NOL10: variants seen among roughly 807,000 people sequenced by gnomAD.
The protein encoded by NOL10 is nucleolar protein 10.
NOL10 carries 58 observed loss-of-function variants against 103.5 expected under a neutral mutation model. The ratio of observed to expected loss-of-function variants is 0.56; its 90% CI spans 0.45 to 0.70. NOL10 has a LOEUF of 0.70. Among genes scored for constraint, NOL10 ranks in the 30% least tolerant of loss-of-function variants. The pLI, the probability that NOL10 is intolerant of heterozygous loss-of-function variation, is 0.00. For synonymous variants in NOL10, 287 were observed against 282.5 expected (o/e 1.02, Z -0.16); for missense variants, 763 against 807.3 (o/e 0.95, Z 0.67).
intron 9 of NOL10, among the ~76,000 whole-genome samples, chr2:10,662,084 G>C (rs1490878719): frequency 6.6e-6 from 1 of 152,054 alleles, no homozygotes; most frequent in Non-Finnish European, 1.5e-5. Flanking sequence ...TAATAAATAT[G>C]CTTCTGCAAC....
chr2:10,682,518 G>GC (rs1243818584), intron 2 of NOL10, among the ~76,000 whole-genome samples: 3 of 149,984 alleles, frequency 2.0e-5, no homozygotes, highest in Non-Finnish European at 3.0e-5. Context: ...TCACACCTCA[G>GC]CCCCCCCAAA....
intron 13 of NOL10, among the ~76,000 whole-genome samples, chr2:10,608,544 G>A (rs1451104532): frequency 6.6e-6 from 1 of 152,068 alleles, no homozygotes; most frequent in Non-Finnish European, 1.5e-5. Flanking sequence ...CTGGACTCGG[G>A]CAAAATGGAA....
chr2:10,622,144 T>C (rs1196401277), intron 13 of NOL10: 1 of 461,292 alleles, frequency 2.2e-6, no homozygotes, highest in African/African-American at 2.2e-5. Context: ...AGCACTGGTT[T>C]AGAGAACTGG....
At chr2:10,612,389 T>C (rs1158859527) in intron 13 of NOL10, among the ~76,000 whole-genome samples, 1 of 152,238 alleles carries the variant, frequency 6.6e-6, no homozygotes, top group Non-Finnish European at 1.5e-5. Flanking sequence ...TTATTTATAA[T>C]GCTACTGAGT....
chr2:10,679,873 A>G (rs561432688), intron 3 of NOL10, among the ~76,000 whole-genome samples: 51 of 152,238 alleles, frequency 3.4e-4, no homozygotes, highest in Non-Finnish European at 6.2e-4. Flanking sequence ...TGACTGCCTC[A>G]GCCTCCCAAA....
chr2:10,658,594 A>G (rs995755925), intron 10 of NOL10, among the ~76,000 whole-genome samples: 6 of 152,186 alleles, frequency 3.9e-5, no homozygotes, highest in Non-Finnish European at 7.3e-5. Flanking sequence ...AGTTCCTTGA[A>G]CACACAAATT....
chr2:10,587,216 TACA>T (rs1675135870), intron 19 of NOL10, among the ~76,000 whole-genome samples: 2 of 33,272 alleles, frequency 6.0e-5, no homozygotes, highest in African/African-American at 2.4e-4. Context: ...CATATATATA[TACA>T]TATATATACA....
chr2:10,588,954 C>T (rs1675256251), intron 19 of NOL10, 89 bp downstream of exon 19: 2 of 1,539,978 alleles, frequency 1.3e-6, no homozygotes, highest in East Asian at 4.5e-5. Flanking sequence ...CATCCAAAGA[C>T]AGAAATGTCA....
At chr2:10,605,748 G>A (rs1157581675) in intron 14 of NOL10, among the ~76,000 whole-genome samples, 9 of 152,106 alleles carry the variant, frequency 5.9e-5, no homozygotes, top group East Asian at 1.9e-4. Flanking sequence ...TGAAAATTAC[G>A]TTGGAGACAC....
At chr2:10,644,782 GA>G (rs1678939337) in intron 12 of NOL10, among the ~76,000 whole-genome samples, 1 of 152,152 alleles carries the variant, frequency 6.6e-6, no homozygotes, top group Non-Finnish European at 1.5e-5. Flanking sequence ...CAAAACTGAA[GA>G]AAGAGATAAC....
intron 17 of NOL10, among the ~76,000 whole-genome samples, chr2:10,595,144 C>CAGAGAGAGAGAGAG (rs77723934): frequency 1.2e-3 from 148 of 124,234 alleles, no homozygotes; most frequent in Middle Eastern, 4.7e-3. Flanking sequence ...GGGGAGGGGG[C>CAGAGAGAGAGAGAG]AGAGAGAGAG....
At chr2:10,647,693 C>A (rs1274184997) in intron 12 of NOL10, among the ~76,000 whole-genome samples, 3 of 152,212 alleles carry the variant, frequency 2.0e-5, no homozygotes, top group Admixed American at 6.5e-5. Context: ...CTATTTAGAA[C>A]CTCAGATGAA....
intron 17 of NOL10, 102 bp from the exon 18 acceptor site, chr2:10,589,853 C>T (rs529390931): frequency 6.6e-4 from 447 of 680,040 alleles, no homozygotes; most frequent in Non-Finnish European, 8.9e-4. Context: ...AGTTAATAAG[C>T]GGCATGAGGC....
intron 3 of NOL10, among the ~76,000 whole-genome samples, chr2:10,679,296 T>C (rs1189615209): frequency 6.6e-6 from 1 of 151,030 alleles, no homozygotes; most frequent in African/African-American, 2.4e-5. Flanking sequence ...GAGGCAGAGG[T>C]TGCGGTAAGC....
intron 19 of NOL10, among the ~76,000 whole-genome samples, chr2:10,581,974 G>A (rs2148148181): frequency 6.6e-6 from 1 of 152,286 alleles, no homozygotes; most frequent in Non-Finnish European, 1.5e-5. Flanking sequence ...GGAGGTGGGG[G>A]ACAGGAGAGG....
At chr2:10,607,370 A>C in intron 13 of NOL10, 59 bp from the exon 14 acceptor site, 2 of 1,506,860 alleles carry the variant, frequency 1.3e-6, no homozygotes, top group Non-Finnish European at 1.8e-6. Context: ...TCCAAGTCTC[A>C]GTTATTTATA....
At chr2:10,625,953 C>T (rs1367649069) in intron 13 of NOL10, among the ~76,000 whole-genome samples, 1 of 152,108 alleles carries the variant, frequency 6.6e-6, no homozygotes, top group East Asian at 1.9e-4. Flanking sequence ...ATGGGAGGAT[C>T]CCTTTAGCTC....
chr2:10,624,928 T>TTTC (rs1230752406), intron 13 of NOL10, among the ~76,000 whole-genome samples: 3 of 152,114 alleles, frequency 2.0e-5, no homozygotes, highest in Admixed American at 6.5e-5. Flanking sequence ...GACAAGAGAA[T>TTTC]GTTATTCAGC....
intron 13 of NOL10, among the ~76,000 whole-genome samples, chr2:10,612,690 G>A (rs988094804): frequency 2.6e-5 from 4 of 151,930 alleles, no homozygotes; most frequent in Non-Finnish European, 4.4e-5. Flanking sequence ...TTTTAGTAGA[G>A]ACGGGGTTTC....
Sources: gnomAD v4.1 joint callset for allele counts (sites outside exome capture counted in the v4.1 genomes callset) on GRCh38, gnomAD v4.1.1 for gene constraint, MANE v1.5 for transcripts, NCBI Gene and HGNC (gene_info 2026-07-23, HGNC 2026-07-21) for gene names.